ZDHHC14: variants seen among roughly 807,000 people sequenced by gnomAD.
ZDHHC14 encodes zDHHC palmitoyltransferase 14, also known as palmitoyltransferase ZDHHC14.
ZDHHC14 carries 16 observed loss-of-function variants against 47.7 expected under a neutral mutation model. The ratio of observed to expected loss-of-function variants is 0.34; its 90% confidence interval spans 0.23 to 0.51. The LOEUF (loss-of-function observed/expected upper bound fraction) is 0.51. Among genes scored for constraint, ZDHHC14 ranks in the 20% least tolerant of loss-of-function variants. The probability of loss-of-function intolerance (pLI) is 0.97; values close to 1 mark genes in which losing one functional copy is unlikely to be tolerated. For synonymous variants in ZDHHC14, 293 were observed against 278.9 expected (o/e 1.05, Z -0.50); for missense variants, 515 against 662.5 (o/e 0.78, Z 2.44).
chr6:157,465,257 T>C (rs557018370), intron 1 of ZDHHC14, among the ~76,000 whole-genome samples: 1 of 152,302 alleles, frequency 6.6e-6, no homozygotes, highest in African/African-American at 2.4e-5. Context: ...AGTTTCAGAT[T>C]ATACTTAACT....
At chr6:157,593,955 A>G (rs1784018363) in intron 3 of ZDHHC14, among the ~76,000 whole-genome samples, 1 of 152,216 alleles carries the variant, frequency 6.6e-6, no homozygotes, top group Admixed American at 6.5e-5. Flanking sequence ...GCTTTGCCCC[A>G]GTGGGGAAGA....
chr6:157,569,134 CT>C (rs1343632888), intron 2 of ZDHHC14, among the ~76,000 whole-genome samples: 2 of 151,744 alleles, frequency 1.3e-5, no homozygotes, highest in Non-Finnish European at 2.9e-5. Context: ...ACAAGCCAAC[CT>C]ATATAGAAAA....
chr6:157,470,693 A>G (rs1018265029), intron 1 of ZDHHC14, among the ~76,000 whole-genome samples: 12 of 152,236 alleles, frequency 7.9e-5, no homozygotes, highest in African/African-American at 2.9e-4. Context: ...AATATCCTAA[A>G]TGCATTTATT....
intron 2 of ZDHHC14, among the ~76,000 whole-genome samples, chr6:157,591,074 C>T (rs1051358008): frequency 1.3e-5 from 2 of 152,232 alleles, no homozygotes; most frequent in Non-Finnish European, 2.9e-5. Context: ...TACCCAGTGC[C>T]TGTACCCCCA....
intron 8 of ZDHHC14, 101 bp downstream of exon 8, chr6:157,653,728 G>T: frequency 2.4e-6 from 3 of 1,226,490 alleles, no homozygotes; most frequent in Non-Finnish European, 2.3e-6. Flanking sequence ...CCCCAGGAGC[G>T]GGGGCAGCCC....
At chr6:157,461,885 C>T (rs951190460) in intron 1 of ZDHHC14, among the ~76,000 whole-genome samples, 5 of 152,176 alleles carry the variant, frequency 3.3e-5, no homozygotes, top group Non-Finnish European at 7.3e-5. Flanking sequence ...ACCGTGCCCC[C>T]ACTAGAGGCA....
chr6:157,402,223 G>A (rs1335359009), intron 1 of ZDHHC14, among the ~76,000 whole-genome samples: 1 of 151,460 alleles, frequency 6.6e-6, no homozygotes, highest in African/African-American at 2.4e-5. Flanking sequence ...TGAGGTCACA[G>A]CAAGTGAGAT....
chr6:157,572,535 G>C (rs1217932889), intron 2 of ZDHHC14, among the ~76,000 whole-genome samples: 3 of 151,632 alleles, frequency 2.0e-5, no homozygotes, highest in African/African-American at 2.4e-5. Context: ...GGGTACATGT[G>C]CACAACGTGC....
At chr6:157,555,385 C>G (rs978556170) in intron 2 of ZDHHC14, among the ~76,000 whole-genome samples, 1 of 152,204 alleles carries the variant, frequency 6.6e-6, no homozygotes, top group Non-Finnish European at 1.5e-5. Context: ...TGTAGCTGAA[C>G]AAACTTTTGG....
At chr6:157,625,667 T>C (rs532218278) in intron 3 of ZDHHC14, among the ~76,000 whole-genome samples, 1 of 152,068 alleles carries the variant, frequency 6.6e-6, no homozygotes, top group African/African-American at 2.4e-5. Flanking sequence ...ACTGTGATGC[T>C]TTCTGACTCC....
intron 1 of ZDHHC14, among the ~76,000 whole-genome samples, chr6:157,441,482 C>T (rs979441009): frequency 1.3e-5 from 2 of 152,172 alleles, no homozygotes; most frequent in Non-Finnish European, 2.9e-5. Context: ...TAATTTCTTT[C>T]TGACAAGCAC....
At chr6:157,658,504 C>G (rs1008123061) in intron 8 of ZDHHC14, among the ~76,000 whole-genome samples, 1 of 151,898 alleles carries the variant, frequency 6.6e-6, no homozygotes, top group Non-Finnish European at 1.5e-5. Context: ...CCCACCCTGA[C>G]CAACAGCCCC....
intron 2 of ZDHHC14, among the ~76,000 whole-genome samples, chr6:157,558,483 G>A (rs1389950528): frequency 1.3e-5 from 2 of 152,182 alleles, no homozygotes; most frequent in African/African-American, 4.8e-5. Flanking sequence ...ACCAAGTCTA[G>A]AGGAAAACAA....
At chr6:157,387,011 T>C (rs1332148102) in intron 1 of ZDHHC14, among the ~76,000 whole-genome samples, 2 of 152,182 alleles carry the variant, frequency 1.3e-5, no homozygotes, top group East Asian at 3.8e-4. Flanking sequence ...AGGTGAGGAA[T>C]GTCTGCTTAG....
chr6:157,476,549 C>T (rs1015312414), intron 1 of ZDHHC14, among the ~76,000 whole-genome samples: 1 of 152,218 alleles, frequency 6.6e-6, no homozygotes, highest in African/African-American at 2.4e-5. Flanking sequence ...CTTCCAAACT[C>T]ATTTTATGAG....
chr6:157,471,165 A>G (rs1248157951), intron 1 of ZDHHC14, among the ~76,000 whole-genome samples: 1 of 152,042 alleles, frequency 6.6e-6, no homozygotes, highest in Non-Finnish European at 1.5e-5. Context: ...AAGCTCAGAT[A>G]CTCGTATCCC....
chr6:157,444,237 T>C (rs1379369789), intron 1 of ZDHHC14, among the ~76,000 whole-genome samples: 1 of 152,214 alleles, frequency 6.6e-6, no homozygotes, highest in Non-Finnish European at 1.5e-5. Context: ...AGTGAGCATA[T>C]CATACTTAAT....
chr6:157,401,434 C>T (rs1016493027), intron 1 of ZDHHC14, among the ~76,000 whole-genome samples: 2 of 152,244 alleles, frequency 1.3e-5, no homozygotes, highest in African/African-American at 2.4e-5. Context: ...ATTTTATAGA[C>T]GAAGAAACTG....
chr6:157,421,897 C>T (rs758899517), intron 1 of ZDHHC14, among the ~76,000 whole-genome samples: 18 of 152,176 alleles, frequency 1.2e-4, no homozygotes, highest in Admixed American at 3.9e-4. Context: ...TGTGAGCCAC[C>T]GCGCCCGGCC....
Sources: gnomAD v4.1 joint callset for allele counts (sites outside exome capture counted in the v4.1 genomes callset) on GRCh38, gnomAD v4.1.1 for gene constraint, MANE v1.5 for transcripts, NCBI Gene and HGNC (gene_info 2026-07-23, HGNC 2026-07-21) for gene names.